CIT: variants seen among roughly 807,000 people sequenced by gnomAD.
CIT encodes the protein citron Rho-interacting kinase.
A neutral mutation model predicts 272.7 loss-of-function variants in CIT; 79 were observed. The observed-to-expected ratio is 0.29, with a 90% CI of 0.24 to 0.35. The LOEUF (loss-of-function observed/expected upper bound fraction) is 0.35, where lower values mean the gene tolerates loss of function less well. Ranked by LOEUF, CIT falls within the 10% of genes least tolerant of loss-of-function variation. The pLI is 1.00. For missense variants in CIT, 1,909 were observed against 2,618.3 expected (o/e 0.73, Z 5.91); for synonymous variants, 948 against 995.6 (o/e 0.95, Z 0.90).
chr12:119,802,384 A>C (rs1966271613), intron 10 of CIT, among the ~76,000 whole-genome samples: 1 of 152,180 alleles, frequency 6.6e-6, no homozygotes, highest in Non-Finnish European at 1.5e-5. Context: ...GGCTCCTGGA[A>C]GCCTCGACCC....
At chr12:119,827,855 A>ATT (rs1968297405) in intron 7 of CIT, among the ~76,000 whole-genome samples, 1 of 152,202 alleles carries the variant, frequency 6.6e-6, no homozygotes, top group African/African-American at 2.4e-5. Flanking sequence ...ATGTCTAATT[A>ATT]CCTTGCAGGA....
Position 119,713,432 on chromosome 12 carries a change from G to C in CIT, c.4487+36C>G, listed in dbSNP as rs768496859. The C allele has an allele frequency of 2.5e-6, 4 of 1,603,524 alleles. No individual in the cohort carries two copies. The African/African-American group carries it at 5.4e-5, about 21-fold the overall frequency. ...ATCAGGGACAGAGTGGCTTGTGCCAGCACCTGCTCCAGCCCAAGCCACCCT... is the reference window on the plus strand; with the variant it reads ...ATCAGGGACAGAGTGGCTTGTGCCACCACCTGCTCCAGCCCAAGCCACCCT... On this transcript the variant is annotated intron_variant, in intron 34 of 47. Coordinates refer to ENST00000392521, the MANE Select transcript of CIT (RefSeq NM_001206999.2). This position sits in a 1 kb window ranked among gnomAD's most constrained non-coding sequence, Gnocchi z 5.2.
chr12:119,826,352 C>T (rs965242042), intron 7 of CIT, among the ~76,000 whole-genome samples: 2 of 152,100 alleles, frequency 1.3e-5, no homozygotes, highest in Non-Finnish European at 2.9e-5. Flanking sequence ...AAGATTAGGA[C>T]AATACAGGAG....
chr12:119,727,660 C>T (rs1379376440), intron 28 of CIT, among the ~76,000 whole-genome samples: 1 of 152,222 alleles, frequency 6.6e-6, no homozygotes, highest in Non-Finnish European at 1.5e-5. Flanking sequence ...CACGGGGACT[C>T]ATGCCTGTAA....
At chr12:119,759,765 G>C (rs183670014) in intron 20 of CIT, among the ~76,000 whole-genome samples, 33 of 152,144 alleles carry the variant, frequency 2.2e-4, no homozygotes, top group Non-Finnish European at 4.3e-4. Flanking sequence ...CCACAAAACC[G>C]GTCCCTGGTG....
rs762182075 is a variant in CIT at position 119,770,842 on chromosome 12, C to T, written c.2151G>A (p.Leu717=). The change falls in exon 18 of 48, where the codon CTG becomes CTA. Residue 717 remains leucine, a synonymous_variant. Transcript: ENST00000392521. This position sits in a 1 kb window ranked among gnomAD's most constrained non-coding sequence, Gnocchi z 4.4. The part of the protein sequence containing the change: ...LETMERRENR[L]KDDIQTKSQQ... The stretch of plus-strand genomic sequence containing the variant: ...GGGATTTTGTCTGGATGTCATCCTT[C>T]AGTCTGTTTTCTCTACGCTCCATGG... The T allele has an allele frequency of 1.9e-6, 3 of 1,612,872 alleles. No homozygotes were observed. The highest frequency in any genetic ancestry group is 2.5e-6 in the Non-Finnish European group (3 of 1,179,876).
chr12:119,861,057 G>A (rs1950320602), intron 3 of CIT, among the ~76,000 whole-genome samples: 1 of 151,672 alleles, frequency 6.6e-6, no homozygotes, highest in South Asian at 2.1e-4. Flanking sequence ...GGAGACAGAG[G>A]TTGCAGTGAG....
At chr12:119,853,430 GTTTGTTTGTTTGT>G (rs1016162317) in intron 4 of CIT, among the ~76,000 whole-genome samples, 5 of 151,048 alleles carry the variant, frequency 3.3e-5, no homozygotes, top group African/African-American at 1.2e-4. Context: ...TTGTTTATTT[GTTTGTTTGTTTGT>G]TTTGTTTTGT....
At chr12:119,858,041 T>G (rs1363592146) in intron 3 of CIT, among the ~76,000 whole-genome samples, 1 of 152,220 alleles carries the variant, frequency 6.6e-6, no homozygotes, top group African/African-American at 2.4e-5. Context: ...CTTATTAGCA[T>G]TTAGACTGGT....
At chr12:119,735,033 G>T in intron 25 of CIT, 127 bp downstream of exon 25, 1 of 828,284 alleles carries the variant, frequency 1.2e-6, no homozygotes, top group African/African-American at 1.7e-5. Context: ...AAAAAGACAT[G>T]ATTTTAAAAA....
chr12:119,789,835 A>C (rs1157373569), intron 10 of CIT, among the ~76,000 whole-genome samples: 1 of 151,734 alleles, frequency 6.6e-6, no homozygotes, highest in Non-Finnish European at 1.5e-5. Context: ...GCTCCCGAGT[A>C]GCTGGGACTA....
chr12:119,727,922 CAA>C (rs113396996), intron 28 of CIT, among the ~76,000 whole-genome samples: 17 of 128,252 alleles, frequency 1.3e-4, no homozygotes, highest in Non-Finnish European at 1.4e-4. Flanking sequence ...AGAGCAAGAC[CAA>C]AAAAAAAAAA....
At chr12:119,807,027 T>G (rs1966651973) in intron 9 of CIT, among the ~76,000 whole-genome samples, 1 of 152,164 alleles carries the variant, frequency 6.6e-6, no homozygotes, top group African/African-American at 2.4e-5. Context: ...ACCTTGATAC[T>G]TAAGCTATGG....
chr12:119,733,552 AC>A (rs1565957772), intron 26 of CIT, among the ~76,000 whole-genome samples: 4 of 151,556 alleles, frequency 2.6e-5, no homozygotes, highest in Non-Finnish European at 4.4e-5. Flanking sequence ...AACAAAAAAA[AC>A]CCACTAAACT....
intron 4 of CIT, among the ~76,000 whole-genome samples, chr12:119,855,629 GT>G (rs1970538125): frequency 6.6e-6 from 1 of 151,968 alleles, no homozygotes; most frequent in African/African-American, 2.4e-5. Flanking sequence ...AAATGGCTCA[GT>G]TAAGGACCCT....
rs1407765037 is a variant in CIT at position 119,760,923 on chromosome 12, A to G, written c.2421+16T>C. 1 of 1,547,780 alleles carries G rather than the reference A, an allele frequency of 6.5e-7. No individual in the cohort carries two copies. Among genetic ancestry groups the G allele is most frequent in the Admixed American group, 1.7e-5 (1 of 59,922 alleles). ...ACCCTCCTTTGAACACTGGCTTGGC[A>G]ACTCCTTCTACCTACCGCCTTCTGT... On this transcript the variant is annotated intron_variant, in intron 20 of 47. Transcript: ENST00000392521.
At chr12:119,802,437 T>C (rs1317227172) in intron 10 of CIT, among the ~76,000 whole-genome samples, 1 of 152,216 alleles carries the variant, frequency 6.6e-6, no homozygotes, top group Non-Finnish European at 1.5e-5. Flanking sequence ...CAATAGCTTT[T>C]ATGAGAATGG....
At position 119,713,754 on chromosome 12, in the gene CIT, A is replaced by T. The variant is rs538820838; in HGVS notation, c.4307-106T>A. On this transcript the variant is annotated intron_variant, in intron 33 of 47. Transcript: ENST00000392521. The surrounding 1 kb of genome is among the most constrained non-coding windows in gnomAD (Gnocchi z 5.2). ...GCTTCTCTACCCCAGCCGGGCCCAG[A>T]GAGTCTGGCCCTGGCTTGCAGGTAG... 15 of 1,223,016 alleles carry T rather than the reference A, an allele frequency of 1.2e-5. No individual in the cohort carries two copies. Among genetic ancestry groups the T allele is most frequent in the Admixed American group, 1.8e-5 (1 of 56,126 alleles). 75.8% of individuals were successfully genotyped at this position (1,223,016 alleles called of 1,614,324 possible). A position where few individuals can be genotyped will look rare whatever the true frequency, so the allele number is the denominator to read the frequency against.
In CIT at chr12:119,697,718, C is replaced by T; in HGVS notation, c.5823G>A (p.Lys1941=). Residue 1941 remains lysine, a synonymous_variant, in exon 46 of 48, where the codon AAG becomes AAA. Transcript: ENST00000392521. The surrounding 1 kb of genome is among the most constrained non-coding windows in gnomAD (Gnocchi z 4.9). ...YQDKLRVICC[K]GNLVKESGTE... is the part of the protein sequence containing the mutation. ...TGCCGGACTCCTTCACGAGGTTTCCCTTGCAGCAAATGACCCTTAATTTAT... is the reference window on the plus strand; with the variant it reads ...TGCCGGACTCCTTCACGAGGTTTCCTTTGCAGCAAATGACCCTTAATTTAT... The T allele has an allele frequency of 6.2e-7, 1 of 1,614,166 alleles. No individual in the cohort carries two copies. Among genetic ancestry groups the T allele is most frequent in the Non-Finnish European group, 8.5e-7 (1 of 1,180,036 alleles).
Sources: allele counts gnomAD v4.1 joint callset (sites outside exome capture counted in the v4.1 genomes callset), GRCh38; gene constraint gnomAD v4.1.1; non-coding constraint Gnocchi (gnomAD v3.1); transcripts MANE v1.5; gene names NCBI Gene and HGNC (gene_info 2026-07-23, HGNC 2026-07-21).